Variants in TENM4 observed in about 807,000 individuals in gnomAD.
TENM4 encodes teneurin-4.
In TENM4, 82 loss-of-function variants were observed where a neutral mutation model predicts 243.3. The ratio of observed to expected loss-of-function variants is 0.34; its 90% confidence interval spans 0.28 to 0.40. The LOEUF is 0.40. Ranked by LOEUF, TENM4 falls within the 10% of genes least tolerant of loss-of-function variation. The probability of loss-of-function intolerance (pLI) is 1.00; values close to 1 mark genes in which losing one functional copy is unlikely to be tolerated. For missense variants in TENM4, 3,138 were observed against 3,673.3 expected, an observed-to-expected ratio of 0.85 and a Z score of 3.77; for synonymous variants, 1,412 against 1,456.3, an observed-to-expected ratio of 0.97 and a Z score of 0.69.
Position 79,157,577 on chromosome 11 carries a change from C to T in TENM4, c.-162-8771G>A, listed in dbSNP as rs147196870. 7.1e-3 allele frequency among the ~76,000 whole-genome samples: 1,075 copies of T among 152,274 alleles called. 13 individuals carry two copies. Among genetic ancestry groups the T allele is most frequent in the African/African-American group, 0.025 (1,021 of 41,554 alleles). ...TCCTAGTACTCACCCAGGCAGTTTT[C>T]AGAGCTACAGTTTCTTCACTGTGCA... On this transcript the variant is annotated intron_variant, in intron 3 of 33. Transcript: ENST00000278550.
intron 7 of TENM4, among the ~76,000 whole-genome samples, chr11:78,895,643 G>A (rs1214587098): frequency 6.6e-6 from 1 of 152,164 alleles, no homozygotes; most frequent in Non-Finnish European, 1.5e-5. Context: ...AAGCTGCAGA[G>A]CCCACCTTGG....
At chr11:79,156,332 A>G (rs549915065) in intron 3 of TENM4, among the ~76,000 whole-genome samples, 1 of 152,350 alleles carries the variant, frequency 6.6e-6, no homozygotes, top group Admixed American at 6.5e-5. Flanking sequence ...GGTGCTTGTC[A>G]GCATGGATAG....
chr11:79,358,848 T>C (rs10047456), intron 1 of TENM4, among the ~76,000 whole-genome samples: 42,780 of 151,936 alleles, frequency 0.28, 6,654 homozygotes, highest in African/African-American at 0.4. Flanking sequence ...ACAACCACTA[T>C]GGGCCAGGCA....
At chr11:79,011,181 C>G (rs1858631939) in intron 6 of TENM4, among the ~76,000 whole-genome samples, 2 of 152,198 alleles carry the variant, frequency 1.3e-5, no homozygotes, top group Admixed American at 6.5e-5. Context: ...AACAGATGGG[C>G]CCACGCATGG....
chr11:78,768,231 G>A (rs1270600164), intron 18 of TENM4, among the ~76,000 whole-genome samples: 1 of 152,244 alleles, frequency 6.6e-6, no homozygotes, highest in East Asian at 1.9e-4. Flanking sequence ...CCACTGAACT[G>A]AGAGGGCCCT....
intron 6 of TENM4, among the ~76,000 whole-genome samples, chr11:79,026,496 G>C (rs1175189589): frequency 6.6e-6 from 1 of 152,204 alleles, no homozygotes; most frequent in Non-Finnish European, 1.5e-5. Context: ...AAAAGGAATT[G>C]AGCAGGGAGG....
intron 1 of TENM4, among the ~76,000 whole-genome samples, chr11:79,316,666 T>A (rs959518167): frequency 9.2e-5 from 14 of 152,216 alleles, no homozygotes; most frequent in Non-Finnish European, 1.8e-4. Flanking sequence ...AATTCCCTAA[T>A]ATTTCTGATG....
chr11:79,340,515 G>A (rs979523776), intron 1 of TENM4, among the ~76,000 whole-genome samples: 3 of 152,130 alleles, frequency 2.0e-5, no homozygotes, highest in African/African-American at 7.2e-5. Context: ...TCCTGCACGG[G>A]ACATCATACC....
chr11:79,239,143 C>T (rs1864539742), intron 2 of TENM4, among the ~76,000 whole-genome samples: 1 of 152,206 alleles, frequency 6.6e-6, no homozygotes, highest in Non-Finnish European at 1.5e-5. Context: ...TGAAACATCA[C>T]AGGGCCCTCT....
At chr11:78,969,680 C>T (rs993010534) in intron 6 of TENM4, among the ~76,000 whole-genome samples, 1 of 152,192 alleles carries the variant, frequency 6.6e-6, no homozygotes, top group African/African-American at 2.4e-5. Flanking sequence ...TGTGAGCTTA[C>T]ACAATGGAAA....
At chr11:79,192,501 G>A (rs1053281583) in intron 3 of TENM4, among the ~76,000 whole-genome samples, 1 of 152,252 alleles carries the variant, frequency 6.6e-6, no homozygotes, top group South Asian at 2.1e-4. Flanking sequence ...CATGTGCTGT[G>A]TCCACTCAGG....
intron 25 of TENM4, among the ~76,000 whole-genome samples, chr11:78,719,883 C>T (rs1173543627): frequency 6.6e-6 from 1 of 152,210 alleles, no homozygotes; most frequent in African/African-American, 2.4e-5. Flanking sequence ...TGCTTTCTCA[C>T]TGATGGCAAG....
At chr11:79,410,207 A>G (rs1204621422) in intron 1 of TENM4, among the ~76,000 whole-genome samples, 1 of 152,238 alleles carries the variant, frequency 6.6e-6, no homozygotes, top group Non-Finnish European at 1.5e-5. Flanking sequence ...TTACTTTCTC[A>G]GCAGGCTTCC....
In TENM4 at chr11:79,438,985, A is replaced by T. The variant is rs1859337996; in HGVS notation, c.-321+1524T>A. The T allele has an allele frequency of 6.6e-6, 1 of 151,932 alleles. No homozygotes were observed. Among genetic ancestry groups the T allele is most frequent in the Non-Finnish European group, 1.5e-5 (1 of 68,014 alleles). 9.4% of individuals were successfully genotyped at this position (151,932 alleles called of 1,614,324 possible). ...ACACTCCCCAAGCAGGCAAACTTTC[A>T]GGCTTGTCTTTCGAGAACCGGGAGC... On this transcript the variant is annotated intron_variant, in intron 1 of 33. Transcript: ENST00000278550. This position sits in a 1 kb window ranked among gnomAD's most constrained non-coding sequence, Gnocchi z 4.1.
intron 6 of TENM4, among the ~76,000 whole-genome samples, chr11:78,944,969 A>C (rs1264348210): frequency 6.6e-6 from 1 of 152,234 alleles, no homozygotes; most frequent in East Asian, 1.9e-4. Flanking sequence ...AAAGGATAAA[A>C]TCAAATTATT....
intron 19 of TENM4, among the ~76,000 whole-genome samples, chr11:78,752,171 A>C (rs1189593685): frequency 3.3e-5 from 5 of 152,132 alleles, no homozygotes; most frequent in Non-Finnish European, 7.4e-5. Flanking sequence ...ACCTGCATTA[A>C]ACACCTGCTC....
Position 78,670,479 on chromosome 11 carries a change from C to A in TENM4, c.5866G>T (p.Val1956Leu). Residue 1956 changes from valine (V) to leucine (L), a missense_variant, in exon 32 of 34, where the codon GTG becomes TTG. Val to Leu is a conservative substitution (Grantham distance 32). Coordinates refer to ENST00000278550, the MANE Select transcript of TENM4 (RefSeq NM_001098816.3). ...EFDKNDRLSS[V>L]TMPNVARQTL... ...TGCCGCGCCACGTTGGGCATCGTCA[C>A]AGAAGAGAGGCGGTCATTCTTGTCG... The A allele has an allele frequency of 6.2e-7, 1 of 1,613,928 alleles. No individual in the cohort carries two copies. The highest frequency in any genetic ancestry group is 1.1e-5 in the South Asian group (1 of 91,070).
At chr11:78,770,104 C>G (rs543883523) in intron 18 of TENM4, among the ~76,000 whole-genome samples, 11 of 152,310 alleles carry the variant, frequency 7.2e-5, no homozygotes, top group African/African-American at 2.6e-4. Context: ...AAAGGGTTAA[C>G]TGTTTTGATG....
At chr11:78,693,481 G>C (rs1345619701) in intron 28 of TENM4, among the ~76,000 whole-genome samples, 8 of 152,198 alleles carry the variant, frequency 5.3e-5, no homozygotes, top group Non-Finnish European at 1.2e-4. Context: ...CATCACTGCA[G>C]TATATAGAAA....
Sources: gnomAD v4.1 joint callset for allele counts (sites outside exome capture counted in the v4.1 genomes callset) on GRCh38, gnomAD v4.1.1 for gene constraint, Gnocchi (gnomAD v3.1) non-coding constraint, MANE v1.5 for transcripts, NCBI Gene and HGNC (gene_info 2026-07-23, HGNC 2026-07-21) for gene names.